The following ROR2 variants were observed in gnomAD, a reference collection of about 807,000 sequenced individuals.
The protein encoded by ROR2 is tyrosine-protein kinase transmembrane receptor ROR2.
Under a neutral mutation model 74.9 loss-of-function variants are expected in ROR2, and 33 were observed. The ratio of observed to expected loss-of-function variants is 0.44; its 90% CI spans 0.33 to 0.59. The LOEUF is 0.59. Ranked by LOEUF, ROR2 falls within the 20% of genes least tolerant of loss-of-function variation. ROR2 has a pLI of 0.02. For synonymous variants in ROR2, 586 were observed against 558.7 expected, an observed-to-expected ratio of 1.05 and a Z score of -0.69; for missense variants, 1,216 against 1,313.8, an observed-to-expected ratio of 0.93 and a Z score of 1.15.
intron 1 of ROR2, among the ~76,000 whole-genome samples, chr9:91,892,887 G>T (rs1350490109): frequency 1.3e-5 from 2 of 152,128 alleles, no homozygotes; most frequent in Non-Finnish European, 2.9e-5. Flanking sequence ...ACCATGCCTG[G>T]CCACAGATAC....
chr9:91,742,211 C>T (rs1449988481), intron 4 of ROR2, among the ~76,000 whole-genome samples: 1 of 152,158 alleles, frequency 6.6e-6, no homozygotes, highest in Non-Finnish European at 1.5e-5. Flanking sequence ...CATCAGACCT[C>T]GTGAGACTTA....
At chr9:91,921,936 C>G (rs147674426) in intron 1 of ROR2, among the ~76,000 whole-genome samples, 42 of 136,948 alleles carry the variant, frequency 3.1e-4, no homozygotes, top group African/African-American at 1.2e-3. Context: ...GGCAAAGGAT[C>G]TGAATAGACA....
At chr9:91,790,303 C>G (rs577851397) in intron 1 of ROR2, among the ~76,000 whole-genome samples, 1 of 151,460 alleles carries the variant, frequency 6.6e-6, no homozygotes, top group Admixed American at 6.6e-5. Flanking sequence ...AGATCAAGAC[C>G]ATCCTGGCCA....
intron 1 of ROR2, among the ~76,000 whole-genome samples, chr9:91,900,035 T>C (rs1169005418): frequency 2.0e-5 from 3 of 152,150 alleles, no homozygotes; most frequent in South Asian, 2.1e-4. Context: ...AATCGATAAG[T>C]ACCTAGAGAC....
At chr9:91,789,716 A>G (rs898775547) in intron 1 of ROR2, among the ~76,000 whole-genome samples, 50 of 152,350 alleles carry the variant, frequency 3.3e-4, no homozygotes, top group African/African-American at 1.2e-3. Context: ...GAATTTTAAA[A>G]GTATATTAAG....
At chr9:91,922,827 G>A (rs2117873324) in intron 1 of ROR2, among the ~76,000 whole-genome samples, 1 of 152,122 alleles carries the variant, frequency 6.6e-6, no homozygotes, top group South Asian at 2.1e-4. Flanking sequence ...TCTCATGTCA[G>A]GCTCTCCAAA....
At chr9:91,863,746 T>C (rs1467221740) in intron 1 of ROR2, among the ~76,000 whole-genome samples, 2 of 151,538 alleles carry the variant, frequency 1.3e-5, no homozygotes, top group Non-Finnish European at 2.9e-5. Flanking sequence ...TGGCTGGGCC[T>C]GGGGGGAGAT....
chr9:91,879,845 C>T (rs1830056268), intron 1 of ROR2, among the ~76,000 whole-genome samples: 1 of 152,120 alleles, frequency 6.6e-6, no homozygotes, highest in Admixed American at 6.5e-5. Flanking sequence ...CAACTCCTTC[C>T]ACGTGTCCAT....
At chr9:91,934,198 T>C (rs1347302358) in intron 1 of ROR2, among the ~76,000 whole-genome samples, 1 of 152,174 alleles carries the variant, frequency 6.6e-6, no homozygotes, top group Admixed American at 6.5e-5. Context: ...TCAACATGTG[T>C]TACTAGATTT....
chr9:91,793,462 T>TG (rs1827067803), intron 1 of ROR2, among the ~76,000 whole-genome samples: 2 of 151,606 alleles, frequency 1.3e-5, no homozygotes, highest in Admixed American at 1.3e-4. Context: ...TACAAAACCA[T>TG]GAGTGAACAG....
chr9:91,916,841 A>G (rs566174927), intron 1 of ROR2, among the ~76,000 whole-genome samples: 26 of 152,280 alleles, frequency 1.7e-4, no homozygotes, highest in African/African-American at 6.3e-4. Context: ...GGAGGAAGAA[A>G]GGTGAAGTCG....
rs755683185 is a variant in ROR2 at position 91,723,956 on chromosome 9, C to T, written c.2538G>A (p.Met846Ile). 2 of 1,613,480 alleles carry T rather than the reference C, an allele frequency of 1.2e-6. No homozygotes were observed. Among genetic ancestry groups the T allele is most frequent in the Admixed American group, 3.3e-5 (2 of 60,034 alleles). Residue 846 changes from methionine (M) to isoleucine (I), a missense_variant, in exon 9 of 9, where the codon ATG becomes ATA. Met to Ile is a conservative substitution (Grantham distance 10). Transcript: ENST00000375708. Reference protein sequence around the residue: ...NFYPVQIPMQMAPQQVPPQMV... With the variant: ...NFYPVQIPMQIAPQQVPPQMV... ...TCTGAGGAGGCACCTGCTGCGGGGC[C>T]ATCTGCATTGGGATCTGCACCGGGT... is the stretch of plus-strand genomic sequence containing the variant.
chr9:91,867,084 A>T (rs1198911184), intron 1 of ROR2, among the ~76,000 whole-genome samples: 1 of 152,198 alleles, frequency 6.6e-6, no homozygotes, highest in Admixed American at 6.5e-5. Context: ...GAGCTATAAA[A>T]CCTGGAACGA....
At chr9:91,897,254 T>C (rs1316285109) in intron 1 of ROR2, among the ~76,000 whole-genome samples, 1 of 152,254 alleles carries the variant, frequency 6.6e-6, no homozygotes, top group Non-Finnish European at 1.5e-5. Context: ...ATTAAACTTA[T>C]ACAATTTAAT....
chr9:91,937,029 CAAAA>C (rs540672189), intron 1 of ROR2, among the ~76,000 whole-genome samples: 4 of 65,656 alleles, frequency 6.1e-5, no homozygotes, highest in African/African-American at 6.1e-5. Context: ...GACTCCGTCT[CAAAA>C]AAAAAAAAAA....
At chr9:91,871,216 T>A (rs11793320) in intron 1 of ROR2, among the ~76,000 whole-genome samples, 6,130 of 152,320 alleles carry the variant, frequency 0.04, 174 homozygotes, top group East Asian at 0.093. Context: ...TCTGTTTCCA[T>A]GTTGGTCTCC....
At position 91,724,651 on chromosome 9, in the gene ROR2, C is replaced by A; in HGVS notation, c.1843G>T (p.Asp615Tyr). ...YLSSHHVVHK[D>Y]LATRNVLVYD... ...ACTAGCACATTGCGGGTGGCCAGGT[C>A]CTTGTGAACCACGTGGTGGCTGGAT... Residue 615 changes from aspartate (D) to tyrosine (Y), a missense_variant, in exon 9 of 9, where the codon GAC (aspartate) becomes TAC (tyrosine). Asp to Tyr is a radical substitution (Grantham distance 160). Coordinates refer to ENST00000375708, the MANE Select transcript of ROR2 (RefSeq NM_004560.4). The A allele has an allele frequency of 6.2e-7, 1 of 1,614,196 alleles. No homozygotes were observed. The highest frequency in any genetic ancestry group is 8.5e-7 in the Non-Finnish European group (1 of 1,180,038).
chr9:91,768,042 A>G (rs1022214352), intron 2 of ROR2, among the ~76,000 whole-genome samples: 3 of 152,174 alleles, frequency 2.0e-5, no homozygotes, highest in African/African-American at 7.2e-5. Context: ...ACGGACCTAG[A>G]GGGAAGAAAG....
At chr9:91,945,593 T>C (rs1159020262) in intron 1 of ROR2, among the ~76,000 whole-genome samples, 2 of 152,252 alleles carry the variant, frequency 1.3e-5, no homozygotes, top group Non-Finnish European at 2.9e-5. Context: ...CGAATTAAGC[T>C]ACATTTTTCT....
Sources: gnomAD v4.1 joint callset for allele counts (sites outside exome capture counted in the v4.1 genomes callset) on GRCh38, gnomAD v4.1.1 for gene constraint, MANE v1.5 for transcripts, NCBI Gene and HGNC (gene_info 2026-07-23, HGNC 2026-07-21) for gene names.